TMEM163: variants seen among roughly 807,000 people sequenced by gnomAD.
The protein encoded by TMEM163 is transmembrane protein 163.
In TMEM163, 17 loss-of-function variants were observed where a neutral mutation model predicts 29.3. The observed-to-expected ratio is 0.58, with a 90% confidence interval of 0.40 to 0.87. The LOEUF (loss-of-function observed/expected upper bound fraction) is 0.87, where lower values mean the gene tolerates loss of function less well. Among genes scored for constraint, TMEM163 ranks in the 40% least tolerant of loss-of-function variants. The pLI is 0.00. For missense variants in TMEM163, 303 were observed against 381.5 expected (o/e 0.79, Z 1.71); for synonymous variants, 157 against 160.6 (o/e 0.98, Z 0.17).
intron 4 of TMEM163, among the ~76,000 whole-genome samples, chr2:134,537,241 A>C (rs1680561363): frequency 6.6e-6 from 1 of 152,238 alleles, no homozygotes; most frequent in Admixed American, 6.5e-5. Flanking sequence ...AAAAGGGAAG[A>C]AACCACATGG....
intron 5 of TMEM163, among the ~76,000 whole-genome samples, chr2:134,482,247 T>C: frequency 6.6e-6 from 1 of 152,122 alleles, no homozygotes; most frequent in Admixed American, 6.5e-5. Flanking sequence ...ATAAAATGCT[T>C]TTCTGCAGGG....
In TMEM163 at chr2:134,655,676, G is replaced by A. The variant is rs954539238; in HGVS notation, c.322+57524C>T. Among the ~76,000 whole-genome samples, 2 of 140,904 alleles carry A rather than the reference G, an allele frequency of 1.4e-5. 1 individual carries two copies. The highest frequency in any genetic ancestry group is 5.9e-5 in the African/African-American group (2 of 33,804). The allele number at this position is 140,904 out of a possible 152,430, so 92.4% of individuals were successfully genotyped here. ...GTTCTGTTTTTTCCCCATCTTTGTGGTTTTATCTACTTTTGGTCTTTGATG... is the reference window on the plus strand; with the variant it reads ...GTTCTGTTTTTTCCCCATCTTTGTGATTTTATCTACTTTTGGTCTTTGATG... On this transcript the variant is annotated intron_variant, in intron 2 of 7. Coordinates refer to ENST00000281924, the MANE Select transcript of TMEM163 (RefSeq NM_030923.5).
intron 2 of TMEM163, among the ~76,000 whole-genome samples, chr2:134,686,414 G>A (rs944081812): frequency 4.6e-5 from 7 of 152,196 alleles, no homozygotes; most frequent in Admixed American, 2.0e-4. Context: ...GGCTTCCAGG[G>A]GCAGAACCCC....
At chr2:134,609,436 A>G (rs1309250629) in intron 2 of TMEM163, among the ~76,000 whole-genome samples, 7 of 81,618 alleles carry the variant, frequency 8.6e-5, no homozygotes, top group Admixed American at 1.1e-4. Context: ...CGAGAACTGT[A>G]CTGGTGAAAA....
intron 2 of TMEM163, among the ~76,000 whole-genome samples, chr2:134,634,490 C>A (rs1295913570): frequency 6.6e-6 from 1 of 152,178 alleles, no homozygotes; most frequent in East Asian, 1.9e-4. Flanking sequence ...GACTGGAGGA[C>A]CACAAGGCAG....
chr2:134,541,549 G>A (rs1187334891), intron 4 of TMEM163, among the ~76,000 whole-genome samples: 1 of 152,098 alleles, frequency 6.6e-6, no homozygotes, highest in Non-Finnish European at 1.5e-5. Flanking sequence ...CTAACCTTAA[G>A]GCATTGGAAA....
chr2:134,530,766 T>G (rs1489750015), intron 4 of TMEM163, among the ~76,000 whole-genome samples: 2 of 152,186 alleles, frequency 1.3e-5, no homozygotes, highest in Non-Finnish European at 2.9e-5. Flanking sequence ...CCATCTGGGG[T>G]TGGATGAAGA....
chr2:134,592,000 T>C (rs1241984989), intron 2 of TMEM163, among the ~76,000 whole-genome samples: 3 of 151,404 alleles, frequency 2.0e-5, no homozygotes, highest in Non-Finnish European at 2.9e-5. Flanking sequence ...TCTCAAGAGG[T>C]CCCAAGAATT....
At chr2:134,546,289 A>C (rs931412383) in intron 4 of TMEM163, among the ~76,000 whole-genome samples, 3 of 152,208 alleles carry the variant, frequency 2.0e-5, no homozygotes, top group African/African-American at 7.2e-5. Flanking sequence ...ACAATAGCCA[A>C]ATGTCCATCG....
At chr2:134,499,772 G>T (rs1185642510) in intron 5 of TMEM163, among the ~76,000 whole-genome samples, 1 of 152,166 alleles carries the variant, frequency 6.6e-6, no homozygotes, top group South Asian at 2.1e-4. Context: ...CATGTAAAAC[G>T]CAGTTCTGCA....
At chr2:134,488,804 A>G (rs951656454) in intron 5 of TMEM163, among the ~76,000 whole-genome samples, 2 of 152,224 alleles carry the variant, frequency 1.3e-5, no homozygotes, top group African/African-American at 4.8e-5. Context: ...CAATAGATAA[A>G]TGGGCAAAAC....
At chr2:134,615,349 T>C (rs902560977) in intron 2 of TMEM163, among the ~76,000 whole-genome samples, 4 of 152,190 alleles carry the variant, frequency 2.6e-5, no homozygotes, top group African/African-American at 9.6e-5. Flanking sequence ...GCTTTACAAA[T>C]AGTTTATGTG....
chr2:134,711,369 A>G (rs1194895951), intron 2 of TMEM163, among the ~76,000 whole-genome samples: 1 of 152,192 alleles, frequency 6.6e-6, no homozygotes, highest in African/African-American at 2.4e-5. Context: ...AATATAATTC[A>G]CCTTCTACAT....
chr2:134,680,069 C>A (rs544456844), intron 2 of TMEM163, among the ~76,000 whole-genome samples: 1 of 152,312 alleles, frequency 6.6e-6, no homozygotes, highest in Admixed American at 6.5e-5. Flanking sequence ...GGCTCTGGGC[C>A]AGGTGGCATG....
chr2:134,673,068 C>A (rs1172608576), intron 2 of TMEM163, among the ~76,000 whole-genome samples: 7 of 152,250 alleles, frequency 4.6e-5, no homozygotes, highest in Non-Finnish European at 1.0e-4. Flanking sequence ...ACTTTTGGCT[C>A]ATAAACCCCA....
At chr2:134,468,433 A>G (rs74426553) in intron 5 of TMEM163, 5,462 of 152,328 alleles carry the variant, frequency 0.036, 161 homozygotes, top group South Asian at 0.13. Context: ...TGTGGTTTAT[A>G]AGCCACCCAG....
intron 4 of TMEM163, among the ~76,000 whole-genome samples, chr2:134,518,234 T>C (rs181723312): frequency 5.8e-4 from 89 of 152,326 alleles, no homozygotes; most frequent in African/African-American, 2.0e-3. Context: ...ATCTTAGAGC[T>C]TTCACCTAGA....
rs115883675 is a variant in TMEM163, at chr2:134,632,332, G to T, written c.323-80241C>A. Among the ~76,000 whole-genome samples the T allele has an allele frequency of 3.8e-3, 580 of 152,224 alleles. 7 individuals carry two copies. Among genetic ancestry groups the T allele is most frequent in the African/African-American group, 0.013 (546 of 41,544 alleles). ...AATTTGTTCACCAGTAGGAACAACT[G>T]GGCTTTCAAGCAGATAAGTGATATA... On this transcript the variant is annotated intron_variant, in intron 2 of 7. Coordinates refer to ENST00000281924, the MANE Select transcript of TMEM163 (RefSeq NM_030923.5).
chr2:134,705,514 G>GGAGGCATGGCCGT (rs1474285505), intron 2 of TMEM163, among the ~76,000 whole-genome samples: 1 of 152,154 alleles, frequency 6.6e-6, no homozygotes, highest in Non-Finnish European at 1.5e-5. Flanking sequence ...CCAATGGGAA[G>GGAGGCATGGCCGT]GAGGCATGGC....
Sources: allele counts gnomAD v4.1 joint callset (sites outside exome capture counted in the v4.1 genomes callset), GRCh38; gene constraint gnomAD v4.1.1; transcripts MANE v1.5; gene names NCBI Gene and HGNC (gene_info 2026-07-23, HGNC 2026-07-21).